Variants in TNR observed in about 807,000 individuals in gnomAD.
The protein encoded by TNR is tenascin-R.
Under a neutral mutation model 150.4 loss-of-function variants are expected in TNR, and 45 were observed. The ratio of observed to expected loss-of-function variants is 0.30; its 90% CI spans 0.24 to 0.38. TNR has a LOEUF of 0.38. Among genes scored for constraint, TNR ranks in the 10% least tolerant of loss-of-function variants. The pLI is 1.00. For missense variants in TNR, 1,544 were observed against 1,759.1 expected (o/e 0.88, Z 2.19); for synonymous variants, 687 against 678.4 (o/e 1.01, Z -0.20).
At chr1:175,527,651 T>C (rs992112018) in intron 2 of TNR, among the ~76,000 whole-genome samples, 11 of 152,348 alleles carry the variant, frequency 7.2e-5, no homozygotes, top group Middle Eastern at 6.8e-3. Context: ...ATATTCACTG[T>C]GCCTGACAAC....
intron 2 of TNR, among the ~76,000 whole-genome samples, chr1:175,504,271 C>T (rs1303320181): frequency 6.6e-6 from 1 of 152,116 alleles, no homozygotes. Context: ...CAGTGCTAGG[C>T]GCTCTGCATG....
Position 175,379,948 on chromosome 1 carries a change from C to T in TNR, c.1778-211G>A, listed in dbSNP as rs1364903193. 2.6e-5 allele frequency among the ~76,000 whole-genome samples: 4 copies of T among 152,194 alleles called. No homozygotes were observed. The East Asian group carries it at 7.8e-4, about 30-fold the overall frequency. ...AGAGTGATACTTGGGAGCTGAAGAT[C>T]AATACACTTTATGCTTCCCCCATTT... On this transcript the variant is annotated intron_variant, in intron 8 of 22. Coordinates refer to ENST00000367674, the MANE Select transcript of TNR (RefSeq NM_003285.3).
intron 20 of TNR, among the ~76,000 whole-genome samples, chr1:175,331,097 CT>C (rs1312294490): frequency 1.5e-5 from 2 of 131,746 alleles, no homozygotes; most frequent in South Asian, 2.3e-4. Flanking sequence ...TTCTTTCTTT[CT>C]TTCTCTCTCT....
intron 1 of TNR, among the ~76,000 whole-genome samples, chr1:175,640,914 T>C (rs983025308): frequency 6.6e-6 from 1 of 152,088 alleles, no homozygotes; most frequent in African/African-American, 2.4e-5. Context: ...AAGTGCCTTG[T>C]ATGAGATTAT....
At position 175,551,554 on chromosome 1, in the gene TNR, C is replaced by T. The variant is rs570998135; in HGVS notation, c.-164-23185G>A. On this transcript the variant is annotated intron_variant, in intron 1 of 22. Coordinates refer to ENST00000367674, the MANE Select transcript of TNR (RefSeq NM_003285.3). ...GTTGCAGACTTAGAAAGCAACCAGT[C>T]AACAGGTCGGGAACATCTCCCAGGA... Among the ~76,000 whole-genome samples the T allele has an allele frequency of 4.6e-4, 70 of 152,254 alleles. No individual in the cohort carries two copies. In the South Asian group the frequency reaches 6.8e-3, roughly 15 times the overall value.
chr1:175,465,779 G>A (rs1272283897), intron 2 of TNR, among the ~76,000 whole-genome samples: 1 of 151,880 alleles, frequency 6.6e-6, no homozygotes, highest in Admixed American at 6.6e-5. Flanking sequence ...GCAAAGGCAA[G>A]CCCAGTGTGG....
chr1:175,443,636 G>T (rs577892922), intron 2 of TNR, among the ~76,000 whole-genome samples: 1 of 152,132 alleles, frequency 6.6e-6, no homozygotes, highest in South Asian at 2.1e-4. Flanking sequence ...TTCTATAGGT[G>T]ATCACTACAT....
chr1:175,569,299 C>T (rs1661768737), intron 1 of TNR, among the ~76,000 whole-genome samples: 1 of 152,210 alleles, frequency 6.6e-6, no homozygotes, highest in Non-Finnish European at 1.5e-5. Context: ...AGCCCTCCTT[C>T]TTCCCCACCC....
intron 18 of TNR, among the ~76,000 whole-genome samples, chr1:175,341,218 T>C (rs1650509764): frequency 6.6e-6 from 1 of 152,214 alleles, no homozygotes; most frequent in Non-Finnish European, 1.5e-5. Context: ...AACTCGCCTC[T>C]GACCCCAACA....
rs531543349 is a variant in TNR, at chr1:175,703,610, G to C, written c.-165+39616C>G. ...ATCATTTACCAAAGAAATCAGAACA[G>C]AAGCATTTCTTAAACTACTAATCAA... On this transcript the variant is annotated intron_variant, in intron 1 of 22. Coordinates refer to ENST00000367674, the MANE Select transcript of TNR (RefSeq NM_003285.3). 1.9e-3 allele frequency among the ~76,000 whole-genome samples: 287 copies of C among 152,274 alleles called. 2 individuals carry two copies. The highest frequency in any genetic ancestry group is 6.1e-3 in the African/African-American group (254 of 41,550).
chr1:175,572,540 A>ATCAG (rs1381078507), intron 1 of TNR, among the ~76,000 whole-genome samples: 3 of 152,268 alleles, frequency 2.0e-5, no homozygotes, highest in Non-Finnish European at 2.9e-5. Context: ...GGTCACATCA[A>ATCAG]TCAGTCAGTC....
rs757218080 is a variant in TNR at position 175,355,587 on chromosome 1, T to G, written c.3165A>C (p.Gln1055His). The part of the protein sequence containing the change: ...ANLTASEVTR[Q>H]SALISWQPPR... Reference sequence around the variant, plus strand: ...GAGGCTGCCAGGAGATCAGGGCACTTTGTCTGGTGACTTCACTGGCTGTCA... The same window carrying G: ...GAGGCTGCCAGGAGATCAGGGCACTGTGTCTGGTGACTTCACTGGCTGTCA... The change falls in exon 17 of 23, where the codon CAA (glutamine) becomes CAC (histidine). Residue 1055 changes from glutamine to histidine, a missense_variant. This residue lies in a region of TNR where 290 missense variants were observed against 429.7 expected (regional missense o/e 0.67). Transcript: ENST00000367674. The G allele has an allele frequency of 6.2e-7, 1 of 1,614,090 alleles. No homozygotes were observed. Among genetic ancestry groups the G allele is most frequent in the South Asian group, 1.1e-5 (1 of 91,088 alleles).
chr1:175,411,659 C>T (rs1034824844), intron 2 of TNR, among the ~76,000 whole-genome samples: 6 of 151,620 alleles, frequency 4.0e-5, no homozygotes, highest in Admixed American at 1.3e-4. Context: ...CTGTATTCTC[C>T]TTGTTTCTTC....
chr1:175,367,257 G>A lies in TNR; in HGVS notation c.2004C>T (p.Ala668=), dbSNP rs73038161. The A allele has an allele frequency of 5.8e-4, 943 of 1,614,106 alleles. 5 individuals carry two copies. In the African/African-American group the frequency reaches 0.011, roughly 19 times the overall value. The change falls in exon 10 of 23, where the codon GCC becomes GCT. Residue 668 remains alanine, a synonymous_variant. Transcript: ENST00000367674. ...GCACGCTTTGCTGTGAGTTCATGAC[G>A]GCAGATATTCCAACTCCATACTCAG... ...PGTEYGVGIS[A]VMNSQQSVPA... is the part of the protein sequence containing the mutation.
chr1:175,386,500 C>T (rs1008886228), intron 7 of TNR, among the ~76,000 whole-genome samples, 199 bp from the exon 8 acceptor site: 1 of 152,138 alleles, frequency 6.6e-6, no homozygotes, highest in Admixed American at 6.5e-5. Flanking sequence ...CTTGATTCCC[C>T]TGAATTTTGG....
chr1:175,737,654 A>C (rs1667808505), intron 1 of TNR, among the ~76,000 whole-genome samples: 1 of 152,180 alleles, frequency 6.6e-6, no homozygotes, highest in Admixed American at 6.5e-5. Flanking sequence ...CAGTTTGAGG[A>C]GGACACATCC....
intron 3 of TNR, among the ~76,000 whole-genome samples, chr1:175,404,459 G>A (rs973265348): frequency 1.3e-5 from 2 of 152,324 alleles, no homozygotes; most frequent in South Asian, 4.1e-4. Context: ...AGACCTTACT[G>A]TGGGATAACT....
chr1:175,674,437 C>T (rs111252961), intron 1 of TNR, among the ~76,000 whole-genome samples: 236 of 152,306 alleles, frequency 1.5e-3, no homozygotes, highest in African/African-American at 4.9e-3. Flanking sequence ...AAAAGCCTCC[C>T]ACCAGGCTTA....
chr1:175,519,299 T>G (rs1659537953), intron 2 of TNR, among the ~76,000 whole-genome samples: 1 of 152,226 alleles, frequency 6.6e-6, no homozygotes, highest in African/African-American at 2.4e-5. Context: ...AGTGTGTGTG[T>G]TCAGGGGAAG....
Sources: gnomAD v4.1 joint callset for allele counts (sites outside exome capture counted in the v4.1 genomes callset) on GRCh38, gnomAD v4.1.1 for gene constraint, gnomAD v4.1.1 regional missense constraint, MANE v1.5 for transcripts, NCBI Gene and HGNC (gene_info 2026-07-23, HGNC 2026-07-21) for gene names.